Variants in SERPINE2 observed in about 807,000 individuals in gnomAD.
The protein encoded by SERPINE2 is serpin family E member 2, also known as glia-derived nexin.
In SERPINE2, 14 loss-of-function variants were observed where a neutral mutation model predicts 36.3. That is an observed-to-expected ratio of 0.39 (90% CI 0.25 to 0.60). The LOEUF (loss-of-function observed/expected upper bound fraction) is 0.60, where lower values mean the gene tolerates loss of function less well. Ranked by LOEUF, SERPINE2 falls within the 20% of genes least tolerant of loss-of-function variation. The pLI, the probability that SERPINE2 is intolerant of heterozygous loss-of-function variation, is 0.57. For missense variants in SERPINE2, 418 were observed against 499.6 expected, an observed-to-expected ratio of 0.84 and a Z score of 1.56; for synonymous variants, 192 against 191.8, an observed-to-expected ratio of 1.00 and a Z score of -0.01.
intron 5 of SERPINE2, among the ~76,000 whole-genome samples, chr2:223,983,896 T>C (rs778378939): frequency 6.6e-6 from 1 of 151,760 alleles, no homozygotes; most frequent in African/African-American, 2.4e-5. Context: ...TCTTCACCCA[T>C]TGAGGCCTAC....
chr2:224,007,027 T>C (rs2106173259), intron 1 of SERPINE2, among the ~76,000 whole-genome samples: 1 of 152,354 alleles, frequency 6.6e-6, no homozygotes, highest in East Asian at 1.9e-4. Context: ...GCTGAACAAC[T>C]GAACAGTGGC....
At chr2:224,005,097 A>ATATATATATATATATATATAT (rs58677711) in intron 1 of SERPINE2, among the ~76,000 whole-genome samples, 8 of 127,124 alleles carry the variant, frequency 6.3e-5, no homozygotes, top group African/African-American at 2.4e-4. Context: ...ATATATATAT[A>ATATATATATATATATATATAT]AAACATTGTA....
intron 3 of SERPINE2, among the ~76,000 whole-genome samples, chr2:223,993,876 T>A (rs1306205059): frequency 6.6e-6 from 1 of 152,140 alleles, no homozygotes; most frequent in East Asian, 1.9e-4. Flanking sequence ...TAAACAGACA[T>A]CATTCAACTC....
rs185869007 is a variant in SERPINE2, at chr2:223,989,738, G to A, written c.685+2065C>T. On this transcript the variant is annotated intron_variant, in intron 4 of 8. Coordinates refer to ENST00000409304, the MANE Select transcript of SERPINE2 (RefSeq NM_001136528.2). Reference sequence around the variant, plus strand: ...AAGGAGGGTGAGAAGGGTGAGCTAAGCTGTTCGCCGTGTTTACTTGTGAGG... The same window carrying A: ...AAGGAGGGTGAGAAGGGTGAGCTAAACTGTTCGCCGTGTTTACTTGTGAGG... Among the ~76,000 whole-genome samples, 950 of 152,316 alleles carry A rather than the reference G, an allele frequency of 6.2e-3. 17 individuals carry two copies. The highest frequency in any genetic ancestry group is 5.4e-3 in the Non-Finnish European group (368 of 68,024).
At chr2:224,002,658 ATTTTTTTTT>A (rs11418943) in intron 1 of SERPINE2, among the ~76,000 whole-genome samples, 1 of 116,532 alleles carries the variant, frequency 8.6e-6, no homozygotes. Flanking sequence ...TCGTCTGGCA[ATTTTTTTTT>A]TTTTTTTTTT....
chr2:223,980,730 G>A, intron 6 of SERPINE2: 1 of 206,026 alleles, frequency 4.9e-6, no homozygotes, highest in Admixed American at 5.5e-5. Flanking sequence ...TTTTCTGGAA[G>A]CAGCAAGGCA....
intron 4 of SERPINE2, among the ~76,000 whole-genome samples, chr2:223,985,503 A>G (rs1342424947): frequency 3.3e-5 from 5 of 152,098 alleles, no homozygotes; most frequent in African/African-American, 1.2e-4. Flanking sequence ...ACATGGTGCA[A>G]TTTTATTACC....
chr2:223,998,405 C>T lies in SERPINE2; in HGVS notation c.260-63G>A, dbSNP rs1271694689. 3.7e-6 allele frequency: 5 copies of T among 1,339,986 alleles called. No individual in the cohort carries two copies. In the Admixed American group the frequency reaches 8.9e-5, roughly 24 times the overall value. The allele number at this position is 1,339,986 out of a possible 1,614,324, so 83.0% of individuals were successfully genotyped here. A position where few individuals can be genotyped will look rare whatever the true frequency, so the allele number is the denominator to read the frequency against. ...AAGAATCTAGAAAAGTTTTTAAAATCTTTTATGTTGCAGCAAGTAAGAACA... is the reference window on the plus strand; with the variant it reads ...AAGAATCTAGAAAAGTTTTTAAAATTTTTTATGTTGCAGCAAGTAAGAACA... On this transcript the variant is annotated intron_variant, in intron 2 of 8. Coordinates refer to ENST00000409304, the MANE Select transcript of SERPINE2 (RefSeq NM_001136528.2).
At chr2:223,985,395 A>C (rs1690387680) in intron 4 of SERPINE2, among the ~76,000 whole-genome samples, 2 of 152,266 alleles carry the variant, frequency 1.3e-5, no homozygotes, top group South Asian at 4.2e-4. Context: ...AGTTACTATG[A>C]AAAAGCAAAT....
rs12436 is a variant in SERPINE2, at chr2:224,001,859, C to T, written c.42G>A (p.Thr14=). The stretch of plus-strand genomic sequence containing the variant: ...TGAAGTGGGAGCAGATGGAAGGCAG[C>T]GTCACAGAGGCCAAGAGGAAGAGGG... ...HLPLFLLASV[T]LPSICSHFNP... is the part of the protein sequence containing the mutation. Residue 14 remains threonine, a synonymous_variant, in exon 2 of 9, where the codon ACG becomes ACA. Coordinates refer to ENST00000409304, the MANE Select transcript of SERPINE2 (RefSeq NM_001136528.2). 3.7e-6 allele frequency: 6 copies of T among 1,613,820 alleles called. No individual in the cohort carries two copies. Among genetic ancestry groups the T allele is most frequent in the Non-Finnish European group, 3.4e-6 (4 of 1,179,904 alleles).
intron 1 of SERPINE2, among the ~76,000 whole-genome samples, chr2:224,029,011 AC>A (rs1692276004): frequency 6.6e-6 from 1 of 152,224 alleles, no homozygotes; most frequent in African/African-American, 2.4e-5. Flanking sequence ...CATACTTTCC[AC>A]TATGCTAAAT....
intron 1 of SERPINE2, among the ~76,000 whole-genome samples, chr2:224,017,707 T>C (rs563595756): frequency 6.6e-6 from 1 of 152,298 alleles, no homozygotes; most frequent in South Asian, 2.1e-4. Flanking sequence ...ATCGGTGTAA[T>C]AGTAGTTCTT....
chr2:224,017,436 T>C (rs1218840008), intron 1 of SERPINE2, among the ~76,000 whole-genome samples: 1 of 152,222 alleles, frequency 6.6e-6, no homozygotes, highest in Admixed American at 6.5e-5. Flanking sequence ...CACAAAAATG[T>C]AATATTTTTG....
chr2:224,031,276 G>A (rs754559992), intron 1 of SERPINE2: 164 of 985,092 alleles, frequency 1.7e-4, no homozygotes, highest in Non-Finnish European at 1.9e-4. Context: ...CACATACTGC[G>A]TGACCGTGGA....
In SERPINE2 at chr2:223,975,858, G is replaced by C; in HGVS notation, c.*9C>G. On this transcript the variant is annotated 3_prime_UTR_variant, in exon 9 of 9. Coordinates refer to ENST00000409304, the MANE Select transcript of SERPINE2 (RefSeq NM_001136528.2). The stretch of plus-strand genomic sequence containing the variant: ...GTCGTTGCTTTGCATGGTTTCTTTT[G>C]TATACTCTTCAGGGTTTGTTTATCT... 1.3e-6 allele frequency: 2 copies of C among 1,577,934 alleles called. No individual in the cohort carries two copies. The highest frequency in any genetic ancestry group is 1.7e-6 in the Non-Finnish European group (2 of 1,156,982).
chr2:224,033,643 A>ATGT (rs1456527019), intron 1 of SERPINE2, among the ~76,000 whole-genome samples: 3 of 144,416 alleles, frequency 2.1e-5, no homozygotes, highest in South Asian at 2.4e-4. Context: ...TGACGATACC[A>ATGT]GCCAAAAAAG....
At position 223,976,006 on chromosome 2, in the gene SERPINE2, A is replaced by G. The variant is rs573457753; in HGVS notation, c.1157-102T>C. 11 of 1,089,940 alleles carry G rather than the reference A, an allele frequency of 1.0e-5. No homozygotes were observed. The South Asian group carries it at 1.7e-4, about 17-fold the overall frequency. 67.5% of individuals were successfully genotyped at this position (1,089,940 alleles called of 1,614,324 possible). A position where few individuals can be genotyped will look rare whatever the true frequency, so the allele number is the denominator to read the frequency against. ...AAGGGAAGGGAAACAATCATGTTTG[A>G]CCTCTTGCTCAGTAGTGTCCAGTAT... On this transcript the variant is annotated intron_variant, in intron 8 of 8. Coordinates refer to ENST00000409304, the MANE Select transcript of SERPINE2 (RefSeq NM_001136528.2).
At chr2:223,988,449 G>C (rs1690523908) in intron 4 of SERPINE2, among the ~76,000 whole-genome samples, 1 of 152,154 alleles carries the variant, frequency 6.6e-6, no homozygotes, top group African/African-American at 2.4e-5. Context: ...TGGAATTACA[G>C]GTGTGTGCCA....
chr2:224,017,176 T>C (rs1183069093), intron 1 of SERPINE2, among the ~76,000 whole-genome samples: 1 of 152,214 alleles, frequency 6.6e-6, no homozygotes, highest in Non-Finnish European at 1.5e-5. Flanking sequence ...GATGTCAGTT[T>C]CCTGGTTGTG....
Sources: gnomAD v4.1 joint callset for allele counts (sites outside exome capture counted in the v4.1 genomes callset) on GRCh38, gnomAD v4.1.1 for gene constraint, MANE v1.5 for transcripts, NCBI Gene and HGNC (gene_info 2026-07-23, HGNC 2026-07-21) for gene names.